FUNDC1: variants seen among roughly 807,000 people sequenced by gnomAD.
FUNDC1 encodes the protein FUN14 domain-containing protein 1.
Under a neutral mutation model 14.5 loss-of-function variants are expected in FUNDC1, and 10 were observed. That is an observed-to-expected ratio of 0.69 (90% CI 0.43 to 1.17). FUNDC1 has a LOEUF of 1.17. FUNDC1 is among the 50% of genes most tolerant of loss of function. FUNDC1 has a pLI of 0.00. For missense variants in FUNDC1, 115 were observed against 113.8 expected, an observed-to-expected ratio of 1.01 and a Z score of -0.05; for synonymous variants, 33 against 39.7, an observed-to-expected ratio of 0.83 and a Z score of 0.64.
intron 3 of FUNDC1, among the ~76,000 whole-genome samples, chrX:44,530,860 G>A (rs961083694): frequency 1.8e-4 from 20 of 109,700 alleles, no homozygotes; most frequent in African/African-American, 5.3e-4. Flanking sequence ...CCCAGGAGGC[G>A]GAGGCTGCAG....
chrX:44,541,160 C>T (rs2038970031), intron 2 of FUNDC1, among the ~76,000 whole-genome samples: 1 of 112,343 alleles, frequency 8.9e-6, no homozygotes, highest in African/African-American at 3.2e-5. Context: ...AACGCTTATG[C>T]ACAAGTTAAG....
intron 3 of FUNDC1, among the ~76,000 whole-genome samples, chrX:44,533,159 T>C (rs5953432): frequency 0.14 from 15,794 of 111,226 alleles, 1,811 homozygotes; most frequent in African/African-American, 0.38. Context: ...ACAAGCCTTC[T>C]TGGTCTATAG....
chrX:44,534,284 G>C (rs1174303883), intron 3 of FUNDC1, among the ~76,000 whole-genome samples: 1 of 109,461 alleles, frequency 9.1e-6, no homozygotes, highest in Non-Finnish European at 1.9e-5. Flanking sequence ...GATTGCTTGA[G>C]ACCAGCCTGG....
chrX:44,538,679 C>A, intron 2 of FUNDC1, 137 bp from the exon 3 acceptor site: 1 of 457,534 alleles, frequency 2.2e-6, no homozygotes, highest in Non-Finnish European at 3.7e-6. Context: ...GCTCAGAAAC[C>A]TTCTCAGAAA....
At chrX:44,530,562 C>A (rs919391454) in intron 3 of FUNDC1, among the ~76,000 whole-genome samples, 1 of 110,301 alleles carries the variant, frequency 9.1e-6, no homozygotes, top group African/African-American at 3.3e-5. Context: ...GCCGATATCA[C>A]GCCACTGCAC....
At chrX:44,524,469 A>T (rs1057198703) in intron 4 of FUNDC1, among the ~76,000 whole-genome samples, 194 bp from the exon 5 acceptor site, 3 of 111,132 alleles carry the variant, frequency 2.7e-5, no homozygotes, top group African/African-American at 9.8e-5. Context: ...TTAATGTTTA[A>T]TGGGCACAGA....
At position 44,531,310 on chromosome X, in the gene FUNDC1, G is replaced by A. The variant is rs750991934; in HGVS notation, c.262-3945C>T. 4.0e-4 allele frequency among the ~76,000 whole-genome samples: 11 copies of A among 27,399 alleles called. No homozygotes were observed. The East Asian group carries it at 0.011, about 28-fold the overall frequency. The allele number at this position is 27,399 out of a possible 115,157, so 23.8% of individuals were successfully genotyped here. A position where few individuals can be genotyped will look rare whatever the true frequency, so the allele number is the denominator to read the frequency against. ...CGGCTTTCAGATGAAGATTCATGTT[G>A]GCCAGACACACACACACACACACAC... is the stretch of plus-strand genomic sequence containing the variant. On this transcript the variant is annotated intron_variant, in intron 3 of 4. Coordinates refer to ENST00000378045, the MANE Select transcript of FUNDC1 (RefSeq NM_173794.4).
chrX:44,541,901 T>A (rs2038973472), intron 2 of FUNDC1, 44 bp downstream of exon 2: 2 of 1,155,018 alleles, frequency 1.7e-6, no homozygotes, highest in Non-Finnish European at 2.3e-6. Context: ...GACAGCAGTG[T>A]CAGGCCCCCA....
At chrX:44,528,985 G>A (rs1319156732) in intron 3 of FUNDC1, among the ~76,000 whole-genome samples, 5 of 111,562 alleles carry the variant, frequency 4.5e-5, no homozygotes, top group South Asian at 3.7e-4. Context: ...ATGAGCCACC[G>A]CGCCCGGCAG....
At chrX:44,527,198 G>GAAAAA in intron 4 of FUNDC1, 39 bp downstream of exon 4, 2 of 869,819 alleles carry the variant, frequency 2.3e-6, no homozygotes, top group Non-Finnish European at 3.1e-6. Flanking sequence ...CCAAAAAAAG[G>GAAAAA]AAAAAAAAAA....
intron 3 of FUNDC1, 78 bp from the exon 4 acceptor site, chrX:44,527,443 C>G: frequency 1.4e-6 from 1 of 729,974 alleles, no homozygotes; most frequent in Non-Finnish European, 1.9e-6. Context: ...TATATAAACA[C>G]TTAAGAGTTC....
rs1331502581 is a variant in FUNDC1, at chrX:44,523,673, T to G, written c.*525A>C. The G allele has an allele frequency of 9.0e-6, 1 of 111,311 alleles. No homozygotes were observed. The highest frequency in any genetic ancestry group is 1.9e-5 in the Non-Finnish European group (1 of 53,094). 9.2% of individuals were successfully genotyped at this position (111,311 alleles called of 1,213,427 possible). On this transcript the variant is annotated 3_prime_UTR_variant, in exon 5 of 5. Transcript: ENST00000378045. ...ATCAGCAGAGTCTGTTTAATATCTT[T>G]AATAATTATATCATTTCTAAAGCTT...
At chrX:44,529,192 C>A (rs906801402) in intron 3 of FUNDC1, among the ~76,000 whole-genome samples, 50 of 111,039 alleles carry the variant, frequency 4.5e-4, no homozygotes, top group Non-Finnish European at 7.5e-5. Context: ...ATCCACCCCC[C>A]AATCCCCAGC....
rs1238471386 is a variant in FUNDC1, at chrX:44,534,984, A to T, written c.261+3483T>A. Among the ~76,000 whole-genome samples, 10 of 110,773 alleles carry T rather than the reference A, an allele frequency of 9.0e-5. No homozygotes were observed. The Admixed American group carries it at 9.7e-4, about 11-fold the overall frequency. On this transcript the variant is annotated intron_variant, in intron 3 of 4. Transcript: ENST00000378045. ...CAACATAGCAAGACCTCCCTATTAT[A>T]CAAAAATACAAAAATTAGCGGGCAT...
intron 3 of FUNDC1, among the ~76,000 whole-genome samples, chrX:44,534,668 C>T (rs375907713): frequency 9.1e-6 from 1 of 110,389 alleles, no homozygotes; most frequent in South Asian, 3.7e-4. Context: ...CTTTTAACAG[C>T]AACACTGGAA....
At chrX:44,526,868 A>T (rs1231187642) in intron 4 of FUNDC1, among the ~76,000 whole-genome samples, 3 of 111,176 alleles carry the variant, frequency 2.7e-5, no homozygotes, top group African/African-American at 6.5e-5. Context: ...TAATCATATT[A>T]AAAAAACATA....
At chrX:44,532,270 G>A (rs191840754) in intron 3 of FUNDC1, among the ~76,000 whole-genome samples, 3 of 108,690 alleles carry the variant, frequency 2.8e-5, no homozygotes, top group Non-Finnish European at 5.7e-5. Flanking sequence ...GTGTGCGCCT[G>A]TAATTGCAGC....
intron 3 of FUNDC1, among the ~76,000 whole-genome samples, chrX:44,532,860 T>C (rs2038932208): frequency 8.9e-6 from 1 of 111,967 alleles, no homozygotes; most frequent in South Asian, 3.6e-4. Context: ...CCTAAATATG[T>C]ATATTTTTGC....
chrX:44,539,493 C>T (rs1022911322), intron 2 of FUNDC1, among the ~76,000 whole-genome samples: 4 of 110,807 alleles, frequency 3.6e-5, no homozygotes, highest in Non-Finnish European at 7.5e-5. Flanking sequence ...TGGAGTAATA[C>T]GTCTACAAGC....
Sources: allele counts gnomAD v4.1 joint callset (sites outside exome capture counted in the v4.1 genomes callset), GRCh38; gene constraint gnomAD v4.1.1; transcripts MANE v1.5; gene names NCBI Gene and HGNC (gene_info 2026-07-23, HGNC 2026-07-21).